The following BMPR2 variants were observed in gnomAD, a reference collection of about 807,000 sequenced individuals.
BMPR2 encodes bone morphogenetic protein receptor type-2.
Under a neutral mutation model 100.8 loss-of-function variants are expected in BMPR2, and 29 were observed. The ratio of observed to expected loss-of-function variants is 0.29; its 90% CI spans 0.21 to 0.39. The LOEUF (loss-of-function observed/expected upper bound fraction) is 0.39, where lower values mean the gene tolerates loss of function less well. Ranked by LOEUF, BMPR2 falls within the 10% of genes least tolerant of loss-of-function variation. The probability of loss-of-function intolerance (pLI) is 1.00; values close to 1 mark genes in which losing one functional copy is unlikely to be tolerated. For missense variants in BMPR2, 1,011 were observed against 1,274.5 expected, an observed-to-expected ratio of 0.79 and a Z score of 3.15; for synonymous variants, 382 against 442.3, an observed-to-expected ratio of 0.86 and a Z score of 1.71.
rs137852754 is a variant in BMPR2, at chr2:202,514,903, G to A, written c.545G>A (p.Gly182Asp). ...GTTCTTATAGGAGACCGTAAACAAGGTCTTCACAGTATGAACATGATGGAG... is the reference window on the plus strand; with the variant it reads ...GTTCTTATAGGAGACCGTAAACAAGATCTTCACAGTATGAACATGATGGAG... ...YRMLTGDRKQ[G>D]LHSMNMMEAA... The change falls in exon 5 of 13, where the codon GGT becomes GAT. Residue 182 changes from glycine (G) to aspartate (D), a missense_variant. Gly to Asp is a moderately conservative substitution (Grantham distance 94). Around this residue, in one of 6 missense-constraint regions of BMPR2, gnomAD observed 355 missense variants for 455.3 expected, o/e 0.78. Transcript: ENST00000374580. 2.5e-4 allele frequency: 408 copies of A among 1,613,798 alleles called. No individual in the cohort carries two copies. The highest frequency in any genetic ancestry group is 3.3e-4 in the Non-Finnish European group (388 of 1,179,912).
At chr2:202,486,350 C>T (rs1035922092) in intron 3 of BMPR2, among the ~76,000 whole-genome samples, 13 of 152,006 alleles carry the variant, frequency 8.6e-5, no homozygotes, top group Middle Eastern at 3.4e-3. Flanking sequence ...TGAGACAGGC[C>T]GGGCAGGGTG....
chr2:202,417,667 G>C (rs1441795423), intron 1 of BMPR2, among the ~76,000 whole-genome samples: 3 of 151,516 alleles, frequency 2.0e-5, no homozygotes, highest in Non-Finnish European at 4.4e-5. Context: ...TTTTGAGACG[G>C]AGTCCCAAGG....
intron 3 of BMPR2, 124 bp from the exon 4 acceptor site, chr2:202,513,595 T>G (rs1463204654): frequency 3.1e-6 from 2 of 654,962 alleles, no homozygotes; most frequent in Admixed American, 5.6e-5. Flanking sequence ...TTCATTTCCT[T>G]TGATGCAAAA....
At chr2:202,442,968 G>C (rs1691777421) in intron 1 of BMPR2, among the ~76,000 whole-genome samples, 1 of 150,562 alleles carries the variant, frequency 6.6e-6, no homozygotes, top group Non-Finnish European at 1.5e-5. Flanking sequence ...CTCCCAGTGT[G>C]ACTGGGTTTG....
At chr2:202,394,082 G>T (rs1232487027) in intron 1 of BMPR2, among the ~76,000 whole-genome samples, 1 of 152,184 alleles carries the variant, frequency 6.6e-6, no homozygotes, top group Non-Finnish European at 1.5e-5. Flanking sequence ...GGGCGTGGTG[G>T]CTCATGCCTG....
intron 1 of BMPR2, among the ~76,000 whole-genome samples, chr2:202,422,035 A>C (rs1443082114): frequency 6.6e-6 from 1 of 151,880 alleles, no homozygotes; most frequent in Non-Finnish European, 1.5e-5. Context: ...CAGCCTCCCA[A>C]GTAGCTGGGA....
chr2:202,379,134 G>A (rs1419156595), intron 1 of BMPR2, among the ~76,000 whole-genome samples: 1 of 151,918 alleles, frequency 6.6e-6, no homozygotes, highest in Non-Finnish European at 1.5e-5. Flanking sequence ...TTTTTCTTTG[G>A]TATTGCATAG....
In BMPR2 at chr2:202,516,691, G is replaced by T. The variant is rs557465784; in HGVS notation, c.621+1712G>T. On this transcript the variant is annotated intron_variant, in intron 5 of 12. Transcript: ENST00000374580. ...AGGTATTAACTGCCAATTCACAAAA[G>T]AAGTAAGTGTGGCTAAGAAATGTAC... is the stretch of plus-strand genomic sequence containing the variant. Among the ~76,000 whole-genome samples the T allele has an allele frequency of 1.8e-4, 28 of 152,160 alleles. 1 individual carries two copies. In the South Asian group the frequency reaches 5.8e-3, roughly 32 times the overall value.
At position 202,555,369 on chromosome 2, in the gene BMPR2, T is replaced by C. The variant is rs748020057; in HGVS notation, c.1704T>C (p.Ser568=). The change falls in exon 12 of 13, where the codon TCT becomes TCC. Residue 568 remains serine, a synonymous_variant. Transcript: ENST00000374580. Reference sequence around the variant, plus strand: ...ACAGCATCGTGAAGAATATTTCCTCTGAGCATTCTATGTCCAGCACACCTT... The same window carrying C: ...ACAGCATCGTGAAGAATATTTCCTCCGAGCATTCTATGTCCAGCACACCTT... ...HTDSIVKNIS[S]EHSMSSTPLT... is the part of the protein sequence containing the mutation. 12 of 1,614,186 alleles carry C rather than the reference T, an allele frequency of 7.4e-6. No individual in the cohort carries two copies. The highest frequency in any genetic ancestry group is 1.1e-5 in the South Asian group (1 of 91,088).
At chr2:202,453,841 A>G (rs2105949824) in intron 1 of BMPR2, among the ~76,000 whole-genome samples, 1 of 152,356 alleles carries the variant, frequency 6.6e-6, no homozygotes, top group South Asian at 2.1e-4. Context: ...TTGTAATACA[A>G]AGAATAAATG....
At chr2:202,464,697 T>C (rs1388636208) in intron 1 of BMPR2, 112 bp from the exon 2 acceptor site, 1 of 1,012,498 alleles carries the variant, frequency 9.9e-7, no homozygotes, top group East Asian at 2.7e-5. Flanking sequence ...AAGATTTCAG[T>C]TCAAATAATT....
intron 1 of BMPR2, among the ~76,000 whole-genome samples, chr2:202,448,754 C>A (rs1251329198): frequency 6.6e-6 from 1 of 152,020 alleles, no homozygotes; most frequent in East Asian, 2.0e-4. Context: ...CCGCGCCCGG[C>A]CTCTTTAATG....
intron 8 of BMPR2, among the ~76,000 whole-genome samples, chr2:202,531,636 ATTTG>A (rs1385574856): frequency 2.6e-5 from 4 of 151,972 alleles, no homozygotes; most frequent in South Asian, 2.1e-4. Flanking sequence ...AAATTTATTT[ATTTG>A]TTTATTTTGA....
intron 3 of BMPR2, among the ~76,000 whole-genome samples, chr2:202,491,412 C>T (rs1344718953): frequency 6.6e-6 from 1 of 151,792 alleles, no homozygotes; most frequent in South Asian, 2.1e-4. Context: ...TCCCTAAGTA[C>T]GTCTCTTTTT....
rs1688719760 is a variant in BMPR2 at position 202,564,241 on chromosome 2, C to G, written c.*4295C>G. On this transcript the variant is annotated 3_prime_UTR_variant, in exon 13 of 13. Coordinates refer to ENST00000374580, the MANE Select transcript of BMPR2 (RefSeq NM_001204.7). ...ATATTTTATTGGAGATCATTAACTC[C>G]TAGAATTTGAGATTATATTTCCATA... 6.6e-6 allele frequency: 1 copy of G among 152,076 alleles called. No homozygotes were observed. Among genetic ancestry groups the G allele is most frequent in the South Asian group, 2.1e-4 (1 of 4,820 alleles). 9.4% of individuals were successfully genotyped at this position (152,076 alleles called of 1,614,324 possible). A position where few individuals can be genotyped will look rare whatever the true frequency, so the allele number is the denominator to read the frequency against.
At chr2:202,396,954 C>T (rs1481109412) in intron 1 of BMPR2, among the ~76,000 whole-genome samples, 4 of 151,996 alleles carry the variant, frequency 2.6e-5, no homozygotes, top group Admixed American at 1.3e-4. Flanking sequence ...TGCGCCACCA[C>T]GCCTGGTTAA....
At chr2:202,444,149 T>G (rs756768256) in intron 1 of BMPR2, among the ~76,000 whole-genome samples, 5 of 150,690 alleles carry the variant, frequency 3.3e-5, no homozygotes, top group Non-Finnish European at 7.3e-5. Context: ...TCTGCTCGCT[T>G]TCTTTTCTGT....
At chr2:202,394,211 G>A (rs1049320463) in intron 1 of BMPR2, among the ~76,000 whole-genome samples, 2 of 152,036 alleles carry the variant, frequency 1.3e-5, no homozygotes, top group Admixed American at 6.6e-5. Flanking sequence ...AGTTAGATGG[G>A]CATGGCGGCA....
At chr2:202,534,857 C>G (rs1202355003) in intron 9 of BMPR2, among the ~76,000 whole-genome samples, 13 of 142,176 alleles carry the variant, frequency 9.1e-5, no homozygotes, top group African/African-American at 3.5e-4. Flanking sequence ...GGGGGGCTGA[C>G]CCCCCCACCT....
Sources: allele counts gnomAD v4.1 joint callset (sites outside exome capture counted in the v4.1 genomes callset), GRCh38; gene constraint gnomAD v4.1.1; regional missense constraint gnomAD v4.1.1; transcripts MANE v1.5; gene names NCBI Gene and HGNC (gene_info 2026-07-23, HGNC 2026-07-21).